Variants in MTFMT observed in about 807,000 individuals in gnomAD.
MTFMT encodes the protein methionyl-tRNA formyltransferase, mitochondrial.
In MTFMT, 47 loss-of-function variants were observed where a neutral mutation model predicts 51.8. That is an observed-to-expected ratio of 0.91 (90% CI 0.72 to 1.16). MTFMT has a LOEUF of 1.16. Among genes scored for constraint, MTFMT ranks in the 50% most tolerant of loss-of-function variants. MTFMT has a pLI of 0.00. For synonymous variants in MTFMT, 196 were observed against 176.7 expected, an observed-to-expected ratio of 1.11 and a Z score of -0.87; for missense variants, 512 against 482.3, an observed-to-expected ratio of 1.06 and a Z score of -0.58.
intron 6 of MTFMT, among the ~76,000 whole-genome samples, chr15:65,007,852 A>G (rs2086231729): frequency 6.6e-6 from 1 of 152,142 alleles, no homozygotes; most frequent in African/African-American, 2.4e-5. Flanking sequence ...TAACTCTTAC[A>G]TGTGTTGTGA....
rs567529635 is a variant in MTFMT, at chr15:65,020,075, C to T, written c.721+122G>A. 567 of 839,510 alleles carry T rather than the reference C, an allele frequency of 6.8e-4. 1 individual carries two copies. In the African/African-American group the frequency reaches 8.8e-3, roughly 13 times the overall value. The allele number at this position is 839,510 out of a possible 1,614,324, so 52.0% of individuals were successfully genotyped here. On this transcript the variant is annotated intron_variant, in intron 5 of 8. Transcript: ENST00000220058. ...CTTTCTACCATTCTTTGGAAAAGCA[C>T]ACAAAAGTGGGCACTCAATCAAAAT...
chr15:65,014,109 C>T (rs1046673799), intron 6 of MTFMT, among the ~76,000 whole-genome samples: 4 of 152,026 alleles, frequency 2.6e-5, no homozygotes, highest in African/African-American at 9.7e-5. Flanking sequence ...TCTTGTGATT[C>T]TTTGGGTTAG....
At chr15:65,004,722 A>T (rs2086207571) in intron 8 of MTFMT, 132 bp downstream of exon 8, 1 of 474,806 alleles carries the variant, frequency 2.1e-6, no homozygotes, top group African/African-American at 2.0e-5. Context: ...CTATTTCTTA[A>T]GAAAATTAAA....
At chr15:65,003,861 A>AAAAAAAAAAAAAAAAAAAAT (rs1047407706) in intron 8 of MTFMT, among the ~76,000 whole-genome samples, 1 of 150,248 alleles carries the variant, frequency 6.7e-6, no homozygotes, top group Non-Finnish European at 1.5e-5. Flanking sequence ...AAAAAAAAAA[A>AAAAAAAAAAAAAAAAAAAAT]AAAAAGGGAA....
chr15:65,011,182 C>T (rs2086261619), intron 6 of MTFMT, among the ~76,000 whole-genome samples: 1 of 151,824 alleles, frequency 6.6e-6, no homozygotes, highest in Non-Finnish European at 1.5e-5. Context: ...ATTAGCCGGG[C>T]GTGGTGGCGC....
chr15:65,006,519 G>A (rs1229310149), intron 6 of MTFMT, among the ~76,000 whole-genome samples: 2 of 151,936 alleles, frequency 1.3e-5, no homozygotes, highest in South Asian at 2.1e-4. Flanking sequence ...TGGGACTACA[G>A]GCGCCTGCAA....
intron 6 of MTFMT, among the ~76,000 whole-genome samples, chr15:65,014,322 ATT>A (rs35599676): frequency 8.9e-5 from 11 of 123,054 alleles, no homozygotes; most frequent in South Asian, 2.6e-4. Flanking sequence ...ACACTATTTG[ATT>A]TTTTTTTTTT....
Position 65,016,493 on chromosome 15 carries a change from T to C in MTFMT, c.756A>G (p.Lys252=). ...TTTGTTCTGAAGTTTGTTCCTCCCATTTTATACAACTGGTACCAGCAGAAA... is the reference window on the plus strand; with the variant it reads ...TTTGTTCTGAAGTTTGTTCCTCCCACTTTATACAACTGGTACCAGCAGAAA... ...PKISAGTSCI[K]WEEQTSEQIF... The change falls in exon 6 of 9, where the codon AAA becomes AAG. Residue 252 remains lysine, a synonymous_variant. Coordinates refer to ENST00000220058, the MANE Select transcript of MTFMT (RefSeq NM_139242.4). 6.2e-7 allele frequency: 1 copy of C among 1,612,378 alleles called. No individual in the cohort carries two copies.
At chr15:65,010,182 G>GT (rs1287886123) in intron 6 of MTFMT, among the ~76,000 whole-genome samples, 1 of 151,966 alleles carries the variant, frequency 6.6e-6, no homozygotes, top group South Asian at 2.1e-4. Flanking sequence ...ATCTTGGGTT[G>GT]TTTTTTTGTT....
At chr15:65,018,524 C>T (rs2086343269) in intron 5 of MTFMT, among the ~76,000 whole-genome samples, 1 of 152,070 alleles carries the variant, frequency 6.6e-6, no homozygotes, top group Non-Finnish European at 1.5e-5. Flanking sequence ...CTAGTTTAGT[C>T]CACTGATACC....
chr15:65,029,309 T>C, intron 1 of MTFMT, 96 bp downstream of exon 1: 1 of 1,327,868 alleles, frequency 7.5e-7, no homozygotes, highest in Non-Finnish European at 9.6e-7. Flanking sequence ...CGCCCATGCT[T>C]TCCGCAACCA....
At position 65,023,662 on chromosome 15, in the gene MTFMT, T is replaced by C. The variant is rs1440081372; in HGVS notation, c.542+10A>G. The C allele has an allele frequency of 6.2e-7, 1 of 1,612,020 alleles. No homozygotes were observed. Among genetic ancestry groups the C allele is most frequent in the Non-Finnish European group, 8.5e-7 (1 of 1,178,790 alleles). ...TCACAAAAATCTCAAGAAAGGAAAA[T>C]ATGTGCTACCTTTTAGGTCTAATTT... On this transcript the variant is annotated intron_variant, in intron 3 of 8. Coordinates refer to ENST00000220058, the MANE Select transcript of MTFMT (RefSeq NM_139242.4).
chr15:65,009,528 CA>C (rs1429771610), intron 6 of MTFMT, among the ~76,000 whole-genome samples: 5 of 152,216 alleles, frequency 3.3e-5, no homozygotes, highest in African/African-American at 1.2e-4. Flanking sequence ...ATTCCATCAG[CA>C]AATTCCGCTG....
intron 7 of MTFMT, among the ~76,000 whole-genome samples, chr15:65,005,809 T>C (rs185016942): frequency 1.3e-3 from 194 of 152,252 alleles, no homozygotes; most frequent in Non-Finnish European, 2.2e-3. Flanking sequence ...GGCTTCACCA[T>C]GTCAGTCAGG....
At chr15:65,025,215 C>G (rs545830732) in intron 2 of MTFMT, among the ~76,000 whole-genome samples, 1 of 132,716 alleles carries the variant, frequency 7.5e-6, no homozygotes, top group Non-Finnish European at 1.5e-5. Context: ...GGCCACATAG[C>G]GAGATCCCTG....
intron 6 of MTFMT, among the ~76,000 whole-genome samples, chr15:65,010,194 T>C (rs2140476811): frequency 6.6e-6 from 1 of 152,342 alleles, no homozygotes; most frequent in East Asian, 1.9e-4. Context: ...TTTTTTGTTT[T>C]GTTTTGTTTT....
chr15:65,025,242 A>G (rs2086411822), intron 2 of MTFMT, among the ~76,000 whole-genome samples: 1 of 151,268 alleles, frequency 6.6e-6, no homozygotes, highest in Non-Finnish European at 1.5e-5. Flanking sequence ...AAAAAAAAAA[A>G]AAAAAAAAAA....
chr15:65,021,288 A>G (rs1003895725), intron 4 of MTFMT, among the ~76,000 whole-genome samples: 1 of 152,238 alleles, frequency 6.6e-6, no homozygotes, highest in African/African-American at 2.4e-5. Context: ...GTCATGTAAG[A>G]TCACCTGTTT....
chr15:65,027,149 G>C, intron 1 of MTFMT, 109 bp from the exon 2 acceptor site: 1 of 781,832 alleles, frequency 1.3e-6, no homozygotes, highest in Non-Finnish European at 2.1e-6. Flanking sequence ...GAAGCATTTA[G>C]GGCTAAATGA....
Sources: allele counts gnomAD v4.1 joint callset (sites outside exome capture counted in the v4.1 genomes callset), GRCh38; gene constraint gnomAD v4.1.1; transcripts MANE v1.5; gene names NCBI Gene and HGNC (gene_info 2026-07-23, HGNC 2026-07-21).